Variants in BLVRB observed in about 807,000 individuals in gnomAD.
BLVRB encodes flavin reductase (NADPH).
In BLVRB, 25 loss-of-function variants were observed where a neutral mutation model predicts 21.1. The ratio of observed to expected loss-of-function variants is 1.19; its 90% CI spans 0.86 to 1.66. The LOEUF is 1.66. Ranked by LOEUF, BLVRB falls within the 40% of genes most tolerant of loss-of-function variation. The pLI is 0.00. For missense variants in BLVRB, 274 were observed against 282.7 expected, an observed-to-expected ratio of 0.97 and a Z score of 0.22; for synonymous variants, 128 against 122.2, an observed-to-expected ratio of 1.05 and a Z score of -0.31.
intron 1 of BLVRB, among the ~76,000 whole-genome samples, chr19:40,462,279 C>CCTTT (rs1568741061): frequency 7.7e-6 from 1 of 129,634 alleles, no homozygotes. Flanking sequence ...TATGGGCATT[C>CCTTT]TTTTTTTTTT....
chr19:40,464,452 A>G (rs1295163500), intron 1 of BLVRB, among the ~76,000 whole-genome samples: 1 of 151,968 alleles, frequency 6.6e-6, no homozygotes, highest in African/African-American at 2.4e-5. Context: ...GATTTTTCAG[A>G]GCCACAGCTC....
rs1327427338 is a variant in BLVRB, at chr19:40,458,406, C to T, written c.219G>A (p.Val73=). The T allele has an allele frequency of 1.3e-6, 2 of 1,590,398 alleles. No homozygotes were observed. The highest frequency in any genetic ancestry group is 8.6e-7 in the Non-Finnish European group (1 of 1,169,234). ...TGAGGTCATTGCGGGTGCCCAGCAG[C>T]ACGATGACAGCGTCCTGCCCAGCCA... ...KTVAGQDAVI[V]LLGTRNDLSP... Residue 73 remains valine, a synonymous_variant, in exon 2 of 5, where the codon GTG becomes GTA. Coordinates refer to ENST00000263368, the MANE Select transcript of BLVRB (RefSeq NM_000713.3).
At chr19:40,461,645 G>A (rs1423783765) in intron 1 of BLVRB, among the ~76,000 whole-genome samples, 3 of 151,860 alleles carry the variant, frequency 2.0e-5, no homozygotes, top group African/African-American at 4.8e-5. Flanking sequence ...GATTACAGGC[G>A]CCTGCCACCA....
rs746014592 is a variant in BLVRB, at chr19:40,458,458, A to G, written c.167T>C (p.Leu56Pro). 3.1e-6 allele frequency: 5 copies of G among 1,602,946 alleles called. No individual in the cohort carries two copies. The South Asian group carries it at 4.5e-5, about 14-fold the overall frequency. The change falls in exon 2 of 5, where the codon CTG (leucine) becomes CCG (proline). Residue 56 changes from leucine to proline, a missense_variant. Coordinates refer to ENST00000263368, the MANE Select transcript of BLVRB (RefSeq NM_000713.3). ...RPAHVVVGDV[L>P]QAADVDKTVA... Reference sequence around the variant, plus strand: ...GGTCTTGTCCACATCGGCTGCCTGCAGAACATCTCCCACTACCACGTGGGC... The same window carrying G: ...GGTCTTGTCCACATCGGCTGCCTGCGGAACATCTCCCACTACCACGTGGGC...
At chr19:40,464,296 G>A (rs1185126223) in intron 1 of BLVRB, among the ~76,000 whole-genome samples, 3 of 151,624 alleles carry the variant, frequency 2.0e-5, no homozygotes, top group Non-Finnish European at 4.4e-5. Context: ...GTCTTGCTAC[G>A]TTGCCCAGGC....
chr19:40,463,406 C>T (rs111862117), intron 1 of BLVRB, among the ~76,000 whole-genome samples: 3,310 of 152,308 alleles, frequency 0.022, 146 homozygotes, highest in Admixed American at 0.12. Context: ...CATTTGGTCA[C>T]AAAGGCTGTA....
chr19:40,447,821 A>G lies in BLVRB; in HGVS notation c.*68T>C. Reference sequence around the variant, plus strand: ...AGAGTAATTTGAAGCTCTTGGCTCAACATTTATTGCCCCCTTCCTTTGCTC... The same window carrying G: ...AGAGTAATTTGAAGCTCTTGGCTCAGCATTTATTGCCCCCTTCCTTTGCTC... On this transcript the variant is annotated 3_prime_UTR_variant, in exon 5 of 5. Coordinates refer to ENST00000263368, the MANE Select transcript of BLVRB (RefSeq NM_000713.3). The G allele has an allele frequency of 6.4e-7, 1 of 1,552,964 alleles. No homozygotes were observed. Among genetic ancestry groups the G allele is most frequent in the Non-Finnish European group, 8.8e-7 (1 of 1,135,140 alleles).
At chr19:40,454,280 C>A (rs2079752900) in intron 3 of BLVRB, among the ~76,000 whole-genome samples, 1 of 152,016 alleles carries the variant, frequency 6.6e-6, no homozygotes, top group Non-Finnish European at 1.5e-5. Context: ...AGGCGTGTGC[C>A]ACCACACCTG....
intron 4 of BLVRB, among the ~76,000 whole-genome samples, chr19:40,449,574 G>A (rs1599685145): frequency 6.6e-6 from 1 of 152,170 alleles, no homozygotes; most frequent in East Asian, 1.9e-4. Context: ...ACTACGGAGT[G>A]GATACTAAAT....
chr19:40,458,277 GGGC>G lies in BLVRB; in HGVS notation c.245-36_245-34del, dbSNP rs751269661. The G allele has an allele frequency of 1.0e-4, 165 of 1,574,776 alleles. 1 individual carries two copies. The highest frequency in any genetic ancestry group is 6.3e-4 in the South Asian group (55 of 87,752). On this transcript the variant is annotated intron_variant, in intron 2 of 4. Transcript: ENST00000263368. ...GGGACAGAGAGTGGCTGTCACTGGT[GGGC>G]GGCGGCGGCGGCAGGGGTGGCAGGG...
intron 3 of BLVRB, among the ~76,000 whole-genome samples, chr19:40,453,128 T>C (rs1232529521): frequency 2.0e-5 from 3 of 152,152 alleles, no homozygotes; most frequent in Non-Finnish European, 4.4e-5. Flanking sequence ...CCAGGCTAGT[T>C]TTGAACTCCC....
chr19:40,464,106 G>A (rs2079800257), intron 1 of BLVRB, among the ~76,000 whole-genome samples: 1 of 149,908 alleles, frequency 6.7e-6, no homozygotes, highest in South Asian at 2.1e-4. Flanking sequence ...AAATTTGAGA[G>A]ACAGGGTCTC....
At chr19:40,459,100 C>T (rs1431026554) in intron 1 of BLVRB, among the ~76,000 whole-genome samples, 2 of 150,768 alleles carry the variant, frequency 1.3e-5, no homozygotes, top group South Asian at 2.1e-4. Context: ...GAGGCTGAGG[C>T]GGGCAGATCA....
At chr19:40,459,553 G>A (rs1042895334) in intron 1 of BLVRB, among the ~76,000 whole-genome samples, 3 of 150,272 alleles carry the variant, frequency 2.0e-5, no homozygotes, top group East Asian at 2.0e-4. Context: ...GTTCAGGCAC[G>A]TGCCACCACA....
chr19:40,461,144 A>G (rs538228712), intron 1 of BLVRB, among the ~76,000 whole-genome samples: 2 of 152,110 alleles, frequency 1.3e-5, no homozygotes, highest in African/African-American at 4.8e-5. Flanking sequence ...TGGCCTCCCA[A>G]AGTGCTGGGA....
Position 40,447,897 on chromosome 19 carries a change from A to G in BLVRB, c.613T>C (p.Tyr205His). Reference sequence around the variant, plus strand: ...CAGATGGGGACAGAGTGCTACTGGTACTGGTGGGAGGGGTAGGTGCTGTGT... The same window carrying G: ...CAGATGGGGACAGAGTGCTACTGGTGCTGGTGGGAGGGGTAGGTGCTGTGT... ...DGHSTYPSHQ[Y>H]Q is the part of the protein sequence containing the mutation. Residue 205 changes from tyrosine (Y) to histidine (H), a missense_variant, in exon 5 of 5, where the codon TAC becomes CAC. Transcript: ENST00000263368. 1.2e-6 allele frequency: 2 copies of G among 1,613,726 alleles called. No homozygotes were observed. The highest frequency in any genetic ancestry group is 1.7e-6 in the Non-Finnish European group (2 of 1,179,802).
rs755981881 is a variant in BLVRB, at chr19:40,458,292, CAG to C, written c.245-50_245-49del. On this transcript the variant is annotated intron_variant, in intron 2 of 4. Coordinates refer to ENST00000263368, the MANE Select transcript of BLVRB (RefSeq NM_000713.3). Reference sequence around the variant, plus strand: ...TGTCACTGGTGGGCGGCGGCGGCGGCAGGGGTGGCAGGGGCGGGGCCGGGGGC... The same window carrying C: ...TGTCACTGGTGGGCGGCGGCGGCGGCGGGTGGCAGGGGCGGGGCCGGGGGC... 132 of 1,345,900 alleles carry C rather than the reference CAG, an allele frequency of 9.8e-5. No homozygotes were observed. The Middle Eastern group carries it at 1.1e-3, about 11-fold the overall frequency. The allele number at this position is 1,345,900 out of a possible 1,614,324, so 83.4% of individuals were successfully genotyped here.
At chr19:40,458,647 T>G (rs2079773630) in intron 1 of BLVRB, 102 bp from the exon 2 acceptor site, 20 of 1,360,744 alleles carry the variant, frequency 1.5e-5, no homozygotes, top group Non-Finnish European at 2.0e-5. Flanking sequence ...ATCCATCCCC[T>G]CCTCTGTTCT....
intron 3 of BLVRB, among the ~76,000 whole-genome samples, chr19:40,454,080 G>T (rs1045867629): frequency 1.3e-5 from 2 of 152,100 alleles, no homozygotes; most frequent in African/African-American, 4.8e-5. Context: ...AGACTCTGTC[G>T]CAACAAAAAA....
Sources: gnomAD v4.1 joint callset for allele counts (sites outside exome capture counted in the v4.1 genomes callset) on GRCh38, gnomAD v4.1.1 for gene constraint, MANE v1.5 for transcripts, NCBI Gene and HGNC (gene_info 2026-07-23, HGNC 2026-07-21) for gene names.